Variants in MYH10 observed in about 807,000 individuals in gnomAD.
MYH10 encodes myosin heavy chain 10, also known as myosin-10.
In MYH10, 55 loss-of-function variants were observed where a neutral mutation model predicts 257.8. The ratio of observed to expected loss-of-function variants is 0.21; its 90% CI spans 0.17 to 0.27. MYH10 has a LOEUF of 0.27. Ranked by LOEUF, MYH10 falls within the 10% of genes least tolerant of loss-of-function variation. MYH10 has a pLI of 1.00. For missense variants in MYH10, 1,631 were observed against 2,500.6 expected (o/e 0.65, Z 7.42); for synonymous variants, 854 against 921.7 (o/e 0.93, Z 1.33).
chr17:8,476,373 G>C (rs1354583024), intron 42 of MYH10, among the ~76,000 whole-genome samples: 1 of 152,222 alleles, frequency 6.6e-6, no homozygotes, highest in Non-Finnish European at 1.5e-5. Flanking sequence ...TATAAAAGCA[G>C]GGTATGCACC....
chr17:8,510,211 T>C (rs893172258), intron 24 of MYH10, among the ~76,000 whole-genome samples: 1 of 151,776 alleles, frequency 6.6e-6, no homozygotes, highest in African/African-American at 2.4e-5. Flanking sequence ...GCTAATTTTT[T>C]GATTTTTTTT....
Position 8,504,016 on chromosome 17 carries a change from GCCAGCA to G in MYH10, c.3599+672_3599+677del, listed in dbSNP as rs2080992865. Among the ~76,000 whole-genome samples, 3 of 152,278 alleles carry G rather than the reference GCCAGCA, an allele frequency of 2.0e-5. No homozygotes were observed. In the South Asian group the frequency reaches 6.2e-4, roughly 32 times the overall value. On this transcript the variant is annotated intron_variant, in intron 28 of 42. Transcript: ENST00000360416. This position sits in a 1 kb window ranked among gnomAD's most constrained non-coding sequence, Gnocchi z 5.6. ...ACCTATGAGTCCGTGGGAGCCGCAG[GCCAGCA>G]CCTCCAGGCCTGCGTACCGGCTCAC... is the stretch of plus-strand genomic sequence containing the variant.
intron 7 of MYH10, 161 bp from the exon 8 acceptor site, chr17:8,554,179 T>C (rs946755849): frequency 4.4e-6 from 2 of 455,000 alleles, no homozygotes; most frequent in South Asian, 3.5e-5. Context: ...CAGGCTGTGA[T>C]ACATTTCAAA....
chr17:8,577,174 T>C, intron 5 of MYH10, 62 bp downstream of exon 5: 3 of 1,380,888 alleles, frequency 2.2e-6, no homozygotes, highest in Non-Finnish European at 3.0e-6. Context: ...GGCTTCCTTA[T>C]TTTTGTTTCT....
chr17:8,521,083 A>C lies in MYH10; in HGVS notation c.2151+9T>G, dbSNP rs749175567. The C allele has an allele frequency of 6.2e-7, 1 of 1,614,058 alleles. No individual in the cohort carries two copies. Among genetic ancestry groups the C allele is most frequent in the African/African-American group, 1.3e-5 (1 of 74,950 alleles). On this transcript the variant is annotated intron_variant, in intron 18 of 42. Transcript: ENST00000360416. ...TTAAATACTAGCATATGTTTTGCTCAGCACGTACCCTCTTCTCGTGATTTG... is the reference window on the plus strand; with the variant it reads ...TTAAATACTAGCATATGTTTTGCTCCGCACGTACCCTCTTCTCGTGATTTG...
Position 8,513,847 on chromosome 17 carries a change from T to C in MYH10, c.2552A>G (p.Gln851Arg). The change falls in exon 22 of 43, where the codon CAG becomes CGG. Residue 851 changes from glutamine to arginine, a missense_variant. Gln to Arg is a conservative substitution (Grantham distance 43). Around this residue, in one of 11 missense-constraint regions of MYH10, gnomAD observed 116 missense variants for 221.6 expected, o/e 0.52. Coordinates refer to ENST00000360416, the MANE Select transcript of MYH10 (RefSeq NM_001256012.3). ...TTTCAGGTACGCGGCACAGTTCCGCTGCAAGACCTTTAAGGCACTTAGTTG... is the reference window on the plus strand; with the variant it reads ...TTTCAGGTACGCGGCACAGTTCCGCCGCAAGACCTTTAAGGCACTTAGTTG... ...QQQLSALKVL[Q>R]RNCAAYLKLR... The C allele has an allele frequency of 1.9e-6, 3 of 1,614,250 alleles. No individual in the cohort carries two copies. The highest frequency in any genetic ancestry group is 2.5e-6 in the Non-Finnish European group (3 of 1,180,030).
At chr17:8,478,604 C>T (rs1913109113) in intron 40 of MYH10, among the ~76,000 whole-genome samples, 158 bp from the exon 41 acceptor site, 1 of 152,202 alleles carries the variant, frequency 6.6e-6, no homozygotes, top group Non-Finnish European at 1.5e-5. Flanking sequence ...TGAAACCTTT[C>T]CTTCTGGTCA....
At chr17:8,568,314 T>C (rs891657939) in intron 7 of MYH10, among the ~76,000 whole-genome samples, 1 of 152,126 alleles carries the variant, frequency 6.6e-6, no homozygotes, top group Admixed American at 6.6e-5. Flanking sequence ...TCCCAGTCTG[T>C]GGTACTTTTA....
At chr17:8,572,157 T>C (rs1036878807) in intron 6 of MYH10, among the ~76,000 whole-genome samples, 1 of 152,124 alleles carries the variant, frequency 6.6e-6, no homozygotes, top group African/African-American at 2.4e-5. Context: ...ATATCTTACT[T>C]TAATATTACT....
At chr17:8,621,323 C>T (rs2085460367) in intron 2 of MYH10, among the ~76,000 whole-genome samples, 1 of 152,126 alleles carries the variant, frequency 6.6e-6, no homozygotes, top group Non-Finnish European at 1.5e-5. Flanking sequence ...CCCTGTTCCT[C>T]AACATTCTGA....
intron 17 of MYH10, among the ~76,000 whole-genome samples, chr17:8,525,748 G>A (rs1487188045): frequency 6.6e-6 from 1 of 152,070 alleles, no homozygotes; most frequent in Non-Finnish European, 1.5e-5. Flanking sequence ...ACAATCCAAA[G>A]CTAAATATTC....
intron 36 of MYH10, among the ~76,000 whole-genome samples, chr17:8,486,526 ATCTT>A (rs1914808078): frequency 6.7e-6 from 1 of 150,040 alleles, no homozygotes; most frequent in South Asian, 2.1e-4. Flanking sequence ...CAAAAAAAAA[ATCTT>A]TATATTTAGC....
chr17:8,555,087 A>G (rs2082749649), intron 7 of MYH10, among the ~76,000 whole-genome samples: 1 of 152,148 alleles, frequency 6.6e-6, no homozygotes, highest in South Asian at 2.1e-4. Flanking sequence ...CTGGTGACAG[A>G]GTGAGACTCT....
chr17:8,617,123 T>C (rs7503483), intron 2 of MYH10, among the ~76,000 whole-genome samples: 5 of 151,910 alleles, frequency 3.3e-5, no homozygotes, highest in Admixed American at 1.3e-4. Flanking sequence ...CTAGATGGAA[T>C]TGAGGCTGAC....
At chr17:8,557,182 C>T (rs537630315) in intron 7 of MYH10, among the ~76,000 whole-genome samples, 6 of 152,162 alleles carry the variant, frequency 3.9e-5, no homozygotes, top group Admixed American at 2.6e-4. Context: ...TTATTGTATG[C>T]AAATTACACC....
chr17:8,590,984 T>C (rs1237817951), intron 3 of MYH10, among the ~76,000 whole-genome samples: 1 of 148,398 alleles, frequency 6.7e-6, no homozygotes, highest in Non-Finnish European at 1.5e-5. Flanking sequence ...GCCATTCTCC[T>C]GCCTCAGTCT....
intron 1 of MYH10, 166 bp from the exon 2 acceptor site, chr17:8,623,443 T>C: frequency 1.9e-6 from 1 of 513,904 alleles, no homozygotes; most frequent in Non-Finnish European, 3.0e-6. Flanking sequence ...AAGGTAAATT[T>C]CAGCGGTGAC....
In MYH10 at chr17:8,493,900, T is replaced by A. The variant is rs201170470; in HGVS notation, c.4057-15A>T. 7.4e-3 allele frequency: 11,809 copies of A among 1,588,852 alleles called. 60 individuals are homozygous for A. Among genetic ancestry groups the A allele is most frequent in the Non-Finnish European group, 8.4e-3 (9,810 of 1,171,960 alleles). ...TGAAGAAGCTCCTGTGTTTTTTTTT[T>A]AAAGGGCAACACTTCCATTACATTT... On this transcript the variant is annotated splice_polypyrimidine_tract_variant and intron_variant, in intron 31 of 42. Transcript: ENST00000360416.
At chr17:8,550,961 T>C (rs1437402835) in intron 9 of MYH10, among the ~76,000 whole-genome samples, 2 of 151,562 alleles carry the variant, frequency 1.3e-5, no homozygotes, top group African/African-American at 4.8e-5. Flanking sequence ...TTAAGAGTCA[T>C]CACCACTCCC....
Sources: gnomAD v4.1 joint callset for allele counts (sites outside exome capture counted in the v4.1 genomes callset) on GRCh38, gnomAD v4.1.1 for gene constraint, gnomAD v4.1.1 regional missense constraint, Gnocchi (gnomAD v3.1) non-coding constraint, MANE v1.5 for transcripts, NCBI Gene and HGNC (gene_info 2026-07-23, HGNC 2026-07-21) for gene names.